The following MAGI1 variants were observed in gnomAD, a reference collection of about 807,000 sequenced individuals.
MAGI1 encodes the protein membrane associated guanylate kinase, WW and PDZ domain containing 1.
In MAGI1, 58 loss-of-function variants were observed where a neutral mutation model predicts 139.9. The ratio of observed to expected loss-of-function variants is 0.41; its 90% CI spans 0.34 to 0.52. The LOEUF is 0.52. Among genes scored for constraint, MAGI1 ranks in the 20% least tolerant of loss-of-function variants. The pLI is 0.12. For missense variants in MAGI1, 1,874 were observed against 1,901.6 expected, an observed-to-expected ratio of 0.99 and a Z score of 0.27; for synonymous variants, 812 against 737.9, an observed-to-expected ratio of 1.10 and a Z score of -1.63.
At chr3:65,957,825 G>C (rs1421918665) in intron 1 of MAGI1, among the ~76,000 whole-genome samples, 1 of 152,120 alleles carries the variant, frequency 6.6e-6, no homozygotes, top group Non-Finnish European at 1.5e-5. Context: ...CTGGAGTACA[G>C]TGGTATGATC....
At chr3:65,567,329 G>A (rs1011758453) in intron 2 of MAGI1, among the ~76,000 whole-genome samples, 1 of 151,708 alleles carries the variant, frequency 6.6e-6, no homozygotes, top group Non-Finnish European at 1.5e-5. Context: ...CACTCACGCT[G>A]ACTGTGTAAA....
At chr3:65,530,868 TGG>T (rs1489388728) in intron 2 of MAGI1, among the ~76,000 whole-genome samples, 1 of 140,814 alleles carries the variant, frequency 7.1e-6, no homozygotes, top group East Asian at 2.1e-4. Context: ...TATATATATA[TGG>T]AGAGAGAGAA....
intron 2 of MAGI1, among the ~76,000 whole-genome samples, chr3:65,614,256 G>A (rs934143684): frequency 1.3e-5 from 2 of 152,196 alleles, no homozygotes; most frequent in Admixed American, 1.3e-4. Flanking sequence ...GGTGCTGGAA[G>A]GGCCTTTCCA....
At chr3:65,590,217 T>C (rs2081906951) in intron 2 of MAGI1, among the ~76,000 whole-genome samples, 2 of 152,168 alleles carry the variant, frequency 1.3e-5, no homozygotes, top group Non-Finnish European at 2.9e-5. Context: ...TTACAACCCA[T>C]GTGACGGTGG....
chr3:65,378,769 C>T (rs1336922752), intron 17 of MAGI1, among the ~76,000 whole-genome samples: 3 of 151,880 alleles, frequency 2.0e-5, no homozygotes, highest in Admixed American at 6.6e-5. Context: ...GCAACCTCCA[C>T]CTCCCAGGTT....
intron 2 of MAGI1, among the ~76,000 whole-genome samples, chr3:65,614,291 G>A (rs2106969438): frequency 6.6e-6 from 1 of 152,212 alleles, no homozygotes; most frequent in East Asian, 1.9e-4. Flanking sequence ...CATTACATAC[G>A]CCATTGTGCT....
At chr3:65,679,228 T>G (rs529717944) in intron 1 of MAGI1, among the ~76,000 whole-genome samples, 1 of 152,296 alleles carries the variant, frequency 6.6e-6, no homozygotes, top group Non-Finnish European at 1.5e-5. Context: ...TCATTGTGTT[T>G]GATATATGAA....
At chr3:65,384,483 C>T (rs1192060718) in intron 14 of MAGI1, among the ~76,000 whole-genome samples, 1 of 152,150 alleles carries the variant, frequency 6.6e-6, no homozygotes, top group African/African-American at 2.4e-5. Flanking sequence ...CTCACAGTGG[C>T]ACTCCCAGCA....
chr3:65,401,496 AG>A (rs1553640102), intron 12 of MAGI1, 26 bp from the exon 13 acceptor site: 7 of 1,607,712 alleles, frequency 4.4e-6, no homozygotes, highest in Non-Finnish European at 5.9e-6. Context: ...CAAGGAGGGG[AG>A]GGGGGAAGAA....
intron 22 of MAGI1, chr3:65,359,414 CTTT>C: frequency 8.1e-7 from 1 of 1,240,040 alleles, no homozygotes; most frequent in Non-Finnish European, 1.0e-6. Context: ...CGAATGCATC[CTTT>C]TTTGTTTTGT....
intron 1 of MAGI1, among the ~76,000 whole-genome samples, chr3:65,652,888 C>G (rs2085664509): frequency 6.6e-6 from 1 of 152,116 alleles, no homozygotes; most frequent in Non-Finnish European, 1.5e-5. Flanking sequence ...CTGAGAAAGC[C>G]ATGATGCCCA....
At chr3:65,384,514 C>T (rs956853742) in intron 14 of MAGI1, among the ~76,000 whole-genome samples, 8 of 152,068 alleles carry the variant, frequency 5.3e-5, no homozygotes, top group Non-Finnish European at 1.2e-4. Flanking sequence ...CCAAGGCAGG[C>T]GAATCGCTTG....
At chr3:65,732,449 C>A (rs2034285825) in intron 1 of MAGI1, among the ~76,000 whole-genome samples, 1 of 152,046 alleles carries the variant, frequency 6.6e-6, no homozygotes, top group Non-Finnish European at 1.5e-5. Context: ...GGGAAAGAAA[C>A]GGTTTCTGAA....
At chr3:65,614,598 T>A (rs1049945424) in intron 2 of MAGI1, among the ~76,000 whole-genome samples, 13 of 152,128 alleles carry the variant, frequency 8.5e-5, no homozygotes, top group African/African-American at 3.1e-4. Flanking sequence ...TTAGAAAGCA[T>A]GGTATCAGAT....
intron 2 of MAGI1, among the ~76,000 whole-genome samples, chr3:65,543,755 T>TG (rs369092442): frequency 0.038 from 5,618 of 147,684 alleles, 144 homozygotes; most frequent in South Asian, 0.073. Context: ...CTGTCAGGGA[T>TG]GGGGGGGGGT....
At chr3:65,678,403 T>C (rs756862844) in intron 1 of MAGI1, among the ~76,000 whole-genome samples, 1 of 151,998 alleles carries the variant, frequency 6.6e-6, no homozygotes, top group Non-Finnish European at 1.5e-5. Flanking sequence ...GAGAGTAGTT[T>C]TGCATTTTTC....
Position 66,016,356 on chromosome 3 carries a change from C to T in MAGI1, c.313+21640G>A, listed in dbSNP as rs571164325. Among the ~76,000 whole-genome samples the T allele has an allele frequency of 2.6e-5, 4 of 152,264 alleles. No individual in the cohort carries two copies. The South Asian group carries it at 8.3e-4, about 32-fold the overall frequency. On this transcript the variant is annotated intron_variant, in intron 1 of 22. Transcript: ENST00000402939. Reference sequence around the variant, plus strand: ...CCAAGGCCACATAGCAAGGAAGCAGCAGGACCAGATTTGAACCCGGACTAC... The same window carrying T: ...CCAAGGCCACATAGCAAGGAAGCAGTAGGACCAGATTTGAACCCGGACTAC...
At chr3:65,519,335 GACACACACACACACACAC>G (rs35232258) in intron 2 of MAGI1, among the ~76,000 whole-genome samples, 74 of 139,246 alleles carry the variant, frequency 5.3e-4, no homozygotes, top group South Asian at 2.7e-3. Flanking sequence ...ATCATGATCT[GACACACACACACACACAC>G]ACACACACAC....
intron 1 of MAGI1, among the ~76,000 whole-genome samples, chr3:65,691,307 A>AAAAAAAAAAAAAAGAAAAAAAG (rs1388046202): frequency 1.5e-5 from 2 of 133,658 alleles, no homozygotes; most frequent in African/African-American, 2.6e-5. Flanking sequence ...CGTCTCAAAA[A>AAAAAAAAAAAAAAGAAAAAAAG]AAAAAAAAGA....
Sources: allele counts gnomAD v4.1 joint callset (sites outside exome capture counted in the v4.1 genomes callset), GRCh38; gene constraint gnomAD v4.1.1; transcripts MANE v1.5; gene names NCBI Gene and HGNC (gene_info 2026-07-23, HGNC 2026-07-21).